Variants in SETBP1 observed in about 807,000 individuals in gnomAD.
The protein encoded by SETBP1 is SET binding protein 1, also known as SET-binding protein.
Under a neutral mutation model 101.0 loss-of-function variants are expected in SETBP1, and 9 were observed. That is an observed-to-expected ratio of 0.09 (90% CI 0.05 to 0.16). The LOEUF (loss-of-function observed/expected upper bound fraction) is 0.16. Among genes scored for constraint, SETBP1 ranks in the 10% least tolerant of loss-of-function variants. The pLI is 1.00. For missense variants in SETBP1, 1,858 were observed against 2,033.8 expected (o/e 0.91, Z 1.66); for synonymous variants, 818 against 788.5 (o/e 1.04, Z -0.63).
intron 4 of SETBP1, among the ~76,000 whole-genome samples, chr18:44,959,149 G>T (rs1442852184): frequency 6.6e-6 from 1 of 152,138 alleles, no homozygotes; most frequent in Non-Finnish European, 1.5e-5. Flanking sequence ...TACCTCTGTG[G>T]GATTGGGAAA....
intron 3 of SETBP1, among the ~76,000 whole-genome samples, chr18:44,887,242 TTC>T (rs1483889084): frequency 6.6e-6 from 1 of 152,176 alleles, no homozygotes; most frequent in African/African-American, 2.4e-5. Context: ...GGTTTCCTTT[TTC>T]TCTCATTGCT....
At chr18:44,861,183 G>A (rs1467722339) in intron 2 of SETBP1, among the ~76,000 whole-genome samples, 1 of 150,230 alleles carries the variant, frequency 6.7e-6, no homozygotes, top group African/African-American at 2.5e-5. Context: ...GGGCTTCTTA[G>A]CGCACAGTTT....
chr18:45,032,761 C>A (rs1014525017), intron 4 of SETBP1, among the ~76,000 whole-genome samples: 1 of 152,162 alleles, frequency 6.6e-6, no homozygotes, highest in Non-Finnish European at 1.5e-5. Context: ...CTTTACTAAG[C>A]TCTGAGTCCA....
At chr18:44,850,748 C>T (rs1301591825) in intron 2 of SETBP1, among the ~76,000 whole-genome samples, 2 of 152,230 alleles carry the variant, frequency 1.3e-5, no homozygotes, top group African/African-American at 4.8e-5. Context: ...TATAAAGAAG[C>T]AGCTTTCCTG....
At chr18:44,925,055 T>C (rs2070674266) in intron 3 of SETBP1, among the ~76,000 whole-genome samples, 1 of 149,120 alleles carries the variant, frequency 6.7e-6, no homozygotes, top group Admixed American at 6.7e-5. Context: ...GAGCTAAATT[T>C]TCCAGGGCTC....
chr18:45,015,833 A>G (rs1228855434), intron 4 of SETBP1, among the ~76,000 whole-genome samples: 1 of 152,242 alleles, frequency 6.6e-6, no homozygotes, highest in African/African-American at 2.4e-5. Context: ...CATTTCTTTT[A>G]CAGAGAGAAG....
chr18:44,776,446 T>C (rs2144659770), intron 2 of SETBP1, among the ~76,000 whole-genome samples: 1 of 152,284 alleles, frequency 6.6e-6, no homozygotes, highest in South Asian at 2.1e-4. Context: ...AGTGACACCG[T>C]GAGGTGGAAC....
At chr18:44,866,317 T>C (rs1050598267) in intron 2 of SETBP1, among the ~76,000 whole-genome samples, 1 of 152,232 alleles carries the variant, frequency 6.6e-6, no homozygotes, top group African/African-American at 2.4e-5. Context: ...TTTTGTTGGC[T>C]TGGAAGATAT....
chr18:44,839,643 T>C (rs1033473481), intron 2 of SETBP1, among the ~76,000 whole-genome samples: 6 of 152,230 alleles, frequency 3.9e-5, no homozygotes, highest in African/African-American at 1.4e-4. Flanking sequence ...GTGTCCAGAC[T>C]ACTTAGGCTC....
intron 4 of SETBP1, among the ~76,000 whole-genome samples, chr18:44,975,829 A>C (rs966313693): frequency 2.0e-5 from 3 of 152,242 alleles, no homozygotes; most frequent in African/African-American, 7.2e-5. Context: ...ATGGTTTGGG[A>C]AATACTAAGC....
At chr18:44,942,438 C>G (rs1019566258) in intron 3 of SETBP1, among the ~76,000 whole-genome samples, 2 of 152,196 alleles carry the variant, frequency 1.3e-5, no homozygotes, top group African/African-American at 4.8e-5. Flanking sequence ...ACATAGCTCC[C>G]CTTTCTCAGG....
intron 3 of SETBP1, among the ~76,000 whole-genome samples, chr18:44,897,979 G>A (rs965486589): frequency 1.3e-5 from 2 of 152,266 alleles, no homozygotes; most frequent in South Asian, 2.1e-4. Context: ...TCAGAATACT[G>A]GAAGTATCAG....
At chr18:44,820,083 C>T (rs751092884) in intron 2 of SETBP1, among the ~76,000 whole-genome samples, 50 of 152,346 alleles carry the variant, frequency 3.3e-4, no homozygotes, top group South Asian at 1.7e-3. Context: ...GGAGTGGCAG[C>T]GCTTGCTGGC....
At chr18:44,829,366 G>A (rs1174947955) in intron 2 of SETBP1, among the ~76,000 whole-genome samples, 1 of 152,102 alleles carries the variant, frequency 6.6e-6, no homozygotes, top group Admixed American at 6.6e-5. Context: ...TTGAAAAGAC[G>A]AAATTTTGCT....
At chr18:44,972,741 T>C (rs2071895508) in intron 4 of SETBP1, among the ~76,000 whole-genome samples, 1 of 152,262 alleles carries the variant, frequency 6.6e-6, no homozygotes, top group Admixed American at 6.5e-5. Context: ...CCAGAGACTT[T>C]GCTGAAGTTG....
At chr18:44,942,699 T>G (rs2071114007) in intron 3 of SETBP1, among the ~76,000 whole-genome samples, 1 of 152,180 alleles carries the variant, frequency 6.6e-6, no homozygotes, top group South Asian at 2.1e-4. Context: ...AGTTTTATAT[T>G]TATCTCCATG....
At chr18:44,929,655 C>T (rs2070782324) in intron 3 of SETBP1, among the ~76,000 whole-genome samples, 1 of 152,084 alleles carries the variant, frequency 6.6e-6, no homozygotes, top group African/African-American at 2.4e-5. Context: ...CTTCACATCC[C>T]TTGTAAGTTG....
At chr18:44,800,282 G>C (rs186059338) in intron 2 of SETBP1, among the ~76,000 whole-genome samples, 1 of 152,266 alleles carries the variant, frequency 6.6e-6, no homozygotes, top group Admixed American at 6.5e-5. Context: ...ATTTCCTTTT[G>C]ATGTTTGGGG....
chr18:44,856,897 C>T (rs996758501), intron 2 of SETBP1, among the ~76,000 whole-genome samples: 4 of 152,150 alleles, frequency 2.6e-5, no homozygotes, highest in African/African-American at 9.7e-5. Flanking sequence ...TTTCCTGGAG[C>T]CACCCTTGCT....
Sources: allele counts gnomAD v4.1 joint callset (sites outside exome capture counted in the v4.1 genomes callset), GRCh38; gene constraint gnomAD v4.1.1; transcripts MANE v1.5; gene names NCBI Gene and HGNC (gene_info 2026-07-23, HGNC 2026-07-21).